Variants in IL5 observed in about 807,000 individuals in gnomAD.
The protein encoded by IL5 is interleukin 5, also known as interleukin-5.
Under a neutral mutation model 16.3 loss-of-function variants are expected in IL5, and 12 were observed. The ratio of observed to expected loss-of-function variants is 0.74; its 90% CI spans 0.47 to 1.20. The LOEUF (loss-of-function observed/expected upper bound fraction) is 1.20, where lower values mean the gene tolerates loss of function less well. Among genes scored for constraint, IL5 ranks in the 50% most tolerant of loss-of-function variants. The probability of loss-of-function intolerance (pLI) is 0.00; values close to 1 mark genes in which losing one functional copy is unlikely to be tolerated. For missense variants in IL5, 159 were observed against 153.9 expected (o/e 1.03, Z -0.17); for synonymous variants, 54 against 56.6 (o/e 0.95, Z 0.21).
upstream of IL5, among the ~76,000 whole-genome samples, chr5:132,546,982 C>T (rs555768399): frequency 2.0e-4 from 31 of 152,210 alleles, no homozygotes; most frequent in Admixed American, 7.8e-4. Context: ...GCTGAGATCA[C>T]GCCACTGCAC....
intron 1 of IL5, among the ~76,000 whole-genome samples, chr5:132,549,644 T>C (rs958001643): frequency 3.3e-5 from 5 of 152,248 alleles, no homozygotes; most frequent in Non-Finnish European, 7.3e-5. Flanking sequence ...TCCATCCTTT[T>C]GCCCTAAAAC....
At position 132,543,165 on chromosome 5, in the gene IL5, C is replaced by T. The variant is rs989233985; in HGVS notation, c.145-39G>A. 5.1e-6 allele frequency: 8 copies of T among 1,580,088 alleles called. 1 individual carries two copies. Among genetic ancestry groups the T allele is most frequent in the South Asian group, 3.3e-5 (3 of 89,580 alleles). ...GAAATACAATCATTTTTACAGCACA[C>T]CAGCATTCATAACTTTTAACAGAAT... On this transcript the variant is annotated intron_variant, in intron 1 of 3. Transcript: ENST00000231454.
chr5:132,544,703 A>T (rs1437226784), upstream of IL5, among the ~76,000 whole-genome samples: 1 of 152,126 alleles, frequency 6.6e-6, no homozygotes, highest in Non-Finnish European at 1.5e-5. Context: ...TATGTGGCTC[A>T]TTGTTTTTAA....
At chr5:132,553,847 T>C (rs908582136) in intron 1 of IL5, among the ~76,000 whole-genome samples, 1 of 142,794 alleles carries the variant, frequency 7.0e-6, no homozygotes, top group Non-Finnish European at 1.5e-5. Flanking sequence ...GCTGAGGCAG[T>C]AGAATGGCGT....
upstream of IL5, among the ~76,000 whole-genome samples, chr5:132,544,179 C>T (rs1454822221): frequency 6.6e-6 from 1 of 152,172 alleles, no homozygotes; most frequent in African/African-American, 2.4e-5. Context: ...TCCTTGGGCA[C>T]CTTTCCCATT....
chr5:132,541,662 A>C lies in IL5; in HGVS notation c.*149T>G. The C allele has an allele frequency of 1.9e-6, 1 of 517,506 alleles. No homozygotes were observed. The allele number at this position is 517,506 out of a possible 1,614,324, so 32.1% of individuals were successfully genotyped here. On this transcript the variant is annotated 3_prime_UTR_variant, in exon 4 of 4. Transcript: ENST00000231454. ...TTTTAAGAATTTTATGCTTTCTGGC[A>C]AAGTGTCAGTATGCCTGAAATATTT...
intron 1 of IL5, 63 bp downstream of exon 1, chr5:132,543,272 A>C: frequency 6.7e-7 from 1 of 1,490,262 alleles, no homozygotes; most frequent in Non-Finnish European, 9.3e-7. Context: ...TATATAGTAA[A>C]GGAACCATCA....
intron 1 of IL5, chr5:132,556,648 G>A (rs1382404703): frequency 5.0e-6 from 6 of 1,209,128 alleles, no homozygotes; most frequent in Non-Finnish European, 6.4e-6. Context: ...AGAATGAAAA[G>A]GAAAATAGTT....
chr5:132,555,539 G>T lies in IL5; in HGVS notation c.42+1135C>A, dbSNP rs1259682065. ...TAAGATAGTAAATTCTTTTTGAGAC[G>T]GAGTCTCGCTCTGTTGCCCAGGCTG... On this transcript the variant is annotated intron_variant, in intron 1 of 2. Transcript: ENST00000450655. 3.9e-5 allele frequency among the ~76,000 whole-genome samples: 6 copies of T among 152,260 alleles called. No homozygotes were observed. The South Asian group carries it at 6.2e-4, about 16-fold the overall frequency.
At chr5:132,556,145 A>G (rs977250100) in intron 1 of IL5, 1 of 152,216 alleles carries the variant, frequency 6.6e-6, no homozygotes, top group Non-Finnish European at 1.5e-5. Flanking sequence ...GCAGAGGCAA[A>G]TTATACCACT....
chr5:132,548,375 C>A (rs1749827258), upstream of IL5, among the ~76,000 whole-genome samples: 2 of 152,108 alleles, frequency 1.3e-5, no homozygotes. Context: ...CTATTGTAGA[C>A]AGTAAAATAA....
chr5:132,548,326 GT>G (rs769794209), upstream of IL5, among the ~76,000 whole-genome samples: 2 of 152,022 alleles, frequency 1.3e-5, no homozygotes, highest in East Asian at 3.9e-4. Flanking sequence ...TGAGAATAAG[GT>G]TTTTATTGAA....
Position 132,543,282 on chromosome 5 carries a change from A to G in IL5, c.144+53T>C, listed in dbSNP as rs189973397. The G allele has an allele frequency of 4.1e-5, 63 of 1,530,772 alleles. No homozygotes were observed. In the East Asian group the frequency reaches 1.4e-3, roughly 34 times the overall value. 94.8% of individuals were successfully genotyped at this position (1,530,772 alleles called of 1,614,324 possible). On this transcript the variant is annotated intron_variant, in intron 1 of 3. Transcript: ENST00000231454. ...CTCTATATATAGTAAAGGAACCATC[A>G]CAAATGATTACCTATGCACTTTACA...
At chr5:132,549,230 AT>A (rs1749844394) in intron 1 of IL5, among the ~76,000 whole-genome samples, 1 of 152,008 alleles carries the variant, frequency 6.6e-6, no homozygotes, top group African/African-American at 2.4e-5. Context: ...TAACTTTTGT[AT>A]TTTTAGTAGA....
At position 132,542,141 on chromosome 5, in the gene IL5, G is replaced by A; in HGVS notation, c.180C>T (p.His60=). ...LRIPVPVHKN[H]QLCTEEIFQG... is the part of the protein sequence containing the mutation. ...GAAAGATTTCTTCAGTGCACAGTTG[G>A]TGCTAAATGAGGAAAATTTTTAAAA... The change falls in exon 3 of 4, where the codon CAC becomes CAT. Residue 60 remains histidine (H), a splice_region_variant and synonymous_variant. Coordinates refer to ENST00000231454, the MANE Select transcript of IL5 (RefSeq NM_000879.3). 1 of 1,594,804 alleles carries A rather than the reference G, an allele frequency of 6.3e-7. No homozygotes were observed. Among genetic ancestry groups the A allele is most frequent in the Non-Finnish European group, 8.5e-7 (1 of 1,175,160 alleles).
chr5:132,544,623 G>T (rs2149823869), upstream of IL5, among the ~76,000 whole-genome samples: 1 of 152,236 alleles, frequency 6.6e-6, no homozygotes, highest in Admixed American at 6.5e-5. Flanking sequence ...TCCCAGAAAG[G>T]TACAAATGAG....
intron 1 of IL5, among the ~76,000 whole-genome samples, chr5:132,554,827 A>T (rs1749946409): frequency 2.6e-5 from 4 of 152,172 alleles, no homozygotes; most frequent in Admixed American, 2.6e-4. Context: ...GCAAAATGTG[A>T]TGTGTATTGT....
exon 1 of IL5, chr5:132,556,704 C>T (rs1238953391): frequency 1.6e-6 from 2 of 1,252,816 alleles, no homozygotes; most frequent in Non-Finnish European, 2.1e-6. Flanking sequence ...TCCACCCCAC[C>T]ACTACCCCCA....
At chr5:132,546,972 G>C (rs1749805238), upstream of IL5, among the ~76,000 whole-genome samples, 1 of 152,196 alleles carries the variant, frequency 6.6e-6, no homozygotes, top group Admixed American at 6.5e-5. Flanking sequence ...GTTGCAGTGA[G>C]CTGAGATCAC....
Sources: allele counts gnomAD v4.1 joint callset (sites outside exome capture counted in the v4.1 genomes callset), GRCh38; gene constraint gnomAD v4.1.1; transcripts MANE v1.5; gene names NCBI Gene and HGNC (gene_info 2026-07-23, HGNC 2026-07-21).